DYRK4: variants seen among roughly 807,000 people sequenced by gnomAD.
The protein encoded by DYRK4 is dual specificity tyrosine-phosphorylation-regulated kinase 4.
DYRK4 carries 64 observed loss-of-function variants against 68.3 expected under a neutral mutation model. The observed-to-expected ratio is 0.94, with a 90% CI of 0.77 to 1.15. DYRK4 has a LOEUF of 1.15. Among genes scored for constraint, DYRK4 ranks in the 50% most tolerant of loss-of-function variants. DYRK4 has a pLI of 0.00. For missense variants in DYRK4, 740 were observed against 764.7 expected (o/e 0.97, Z 0.38); for synonymous variants, 274 against 289.9 (o/e 0.95, Z 0.56).
chr12:4,613,018 C>A lies in DYRK4; in HGVS notation c.1666+300C>A. On this transcript the variant is annotated intron_variant, in intron 14 of 14. Transcript: ENST00000543431. The surrounding 1 kb of genome is among the most constrained non-coding windows in gnomAD (Gnocchi z 4.0). ...GCATTAGCCTGGATCTTTTTTGCCC[C>A]TTATTAGGATTTTCCATTTTTCTCC... 2.9e-6 allele frequency: 1 copy of A among 344,560 alleles called. No individual in the cohort carries two copies. The highest frequency in any genetic ancestry group is 5.4e-6 in the Non-Finnish European group (1 of 186,742). The allele number at this position is 344,560 out of a possible 1,614,324, so 21.3% of individuals were successfully genotyped here.
At position 4,612,523 on chromosome 12, in the gene DYRK4, G is replaced by C. The variant is rs754775804; in HGVS notation, c.1491-20G>C. ...AAGGAAATAAAACAATAACCCATGT[G>C]GGGCTTTGTTGGGGTGCAGATGGGA... On this transcript the variant is annotated intron_variant, in intron 13 of 14. Coordinates refer to ENST00000543431, the MANE Select transcript of DYRK4 (RefSeq NM_001394779.1). The C allele has an allele frequency of 1.9e-6, 3 of 1,606,362 alleles. No individual in the cohort carries two copies. In the South Asian group the frequency reaches 3.3e-5, roughly 18 times the overall value.
Position 4,591,989 on chromosome 12 carries a change from C to T in DYRK4, c.463+691C>T, listed in dbSNP as rs1944961279. 6.6e-6 allele frequency among the ~76,000 whole-genome samples: 1 copy of T among 152,224 alleles called. No homozygotes were observed. The highest frequency in any genetic ancestry group is 2.1e-4 in the South Asian group (1 of 4,836). ...AGACTTTTAATGGGATTCAGAGACT[C>T]ATAACCTATTAGGATGCAAAGGAAG... On this transcript the variant is annotated intron_variant, in intron 5 of 14. Transcript: ENST00000543431. This position sits in a 1 kb window ranked among gnomAD's most constrained non-coding sequence, Gnocchi z 4.1.
chr12:4,583,103 G>A (rs1944860378), intron 2 of DYRK4, among the ~76,000 whole-genome samples: 1 of 152,160 alleles, frequency 6.6e-6, no homozygotes, highest in South Asian at 2.1e-4. Context: ...GCCACTCACA[G>A]TAAGAAATCG....
At chr12:4,583,533 T>C (rs1944864727) in intron 2 of DYRK4, among the ~76,000 whole-genome samples, 2 of 151,792 alleles carry the variant, frequency 1.3e-5, no homozygotes, top group South Asian at 2.1e-4. Flanking sequence ...TTGCTGAGAC[T>C]ACAGGCGCCT....
intron 6 of DYRK4, 123 bp downstream of exon 6, chr12:4,593,288 A>G (rs1944978593): frequency 8.7e-7 from 1 of 1,143,576 alleles, no homozygotes; most frequent in Non-Finnish European, 1.2e-6. Flanking sequence ...AGATATCCTG[A>G]AGTATTCTGG....
chr12:4,562,570 G>A (rs181059389), intron 1 of DYRK4, among the ~76,000 whole-genome samples: 166 of 152,318 alleles, frequency 1.1e-3, no homozygotes, highest in Non-Finnish European at 2.0e-3. Flanking sequence ...GGGAGCGAGG[G>A]GTTCTGAGGA....
intron 9 of DYRK4, 48 bp downstream of exon 9, chr12:4,599,214 T>C: frequency 4.4e-6 from 7 of 1,593,090 alleles, no homozygotes; most frequent in Non-Finnish European, 6.0e-6. Flanking sequence ...GAAATACCCA[T>C]TCTATTCCCC....
chr12:4,610,221 A>T lies in DYRK4; in HGVS notation c.1427A>T (p.Asp476Val). The T allele has an allele frequency of 6.2e-7, 1 of 1,600,886 alleles. No homozygotes were observed. The highest frequency in any genetic ancestry group is 8.5e-7 in the Non-Finnish European group (1 of 1,174,796). Reference sequence around the variant, plus strand: ...AAAAAAAGATACCCAGATTCCAAGGACCTCACGATGGTGCTGAAAACCTAT... The same window carrying T: ...AAAAAAAGATACCCAGATTCCAAGGTCCTCACGATGGTGCTGAAAACCTAT... ...RGKKRYPDSK[D>V]LTMVLKTYDT... is the part of the protein sequence containing the mutation. Residue 476 changes from aspartate (D) to valine (V), a missense_variant, in exon 13 of 15, where the codon GAC (aspartate) becomes GTC (valine). By Grantham distance (152) the Asp-to-Val change is radical. Transcript: ENST00000543431.
At chr12:4,602,520 G>T in intron 10 of DYRK4, 1 of 1,200,878 alleles carries the variant, frequency 8.3e-7, no homozygotes, top group Non-Finnish European at 1.2e-6. Flanking sequence ...TTGAGTGGTG[G>T]GATATAAGCC....
At chr12:4,571,772 C>G (rs1447950595) in intron 2 of DYRK4, among the ~76,000 whole-genome samples, 1 of 152,146 alleles carries the variant, frequency 6.6e-6, no homozygotes, top group African/African-American at 2.4e-5. Context: ...CTTTTTACCT[C>G]TTTAATGTGG....
intron 13 of DYRK4, among the ~76,000 whole-genome samples, chr12:4,612,254 T>G (rs1192645195): frequency 3.3e-5 from 5 of 152,198 alleles, no homozygotes; most frequent in African/African-American, 1.2e-4. Context: ...ATCCTATTGA[T>G]TAAGCTTTTG....
In DYRK4 at chr12:4,589,047, T is replaced by C. The variant is rs749892384; in HGVS notation, c.213+30T>C. 2.0e-6 allele frequency: 3 copies of C among 1,527,450 alleles called. No homozygotes were observed. In the South Asian group the frequency reaches 3.6e-5, roughly 18 times the overall value. 94.6% of individuals were successfully genotyped at this position (1,527,450 alleles called of 1,614,324 possible). On this transcript the variant is annotated intron_variant, in intron 3 of 14. Transcript: ENST00000543431. ...GGAGTGATGGTCAGCTCCTTTTCTCTAGGAGAGAATGAGGAGAGGTGGGTG... is the reference window on the plus strand; with the variant it reads ...GGAGTGATGGTCAGCTCCTTTTCTCCAGGAGAGAATGAGGAGAGGTGGGTG...
At chr12:4,611,040 A>G (rs1305349820) in intron 13 of DYRK4, among the ~76,000 whole-genome samples, 1 of 152,212 alleles carries the variant, frequency 6.6e-6, no homozygotes, top group Non-Finnish European at 1.5e-5. Flanking sequence ...TTCCTATAAA[A>G]TACGGTATTC....
At chr12:4,582,701 G>C (rs542934381) in intron 2 of DYRK4, among the ~76,000 whole-genome samples, 4 of 152,142 alleles carry the variant, frequency 2.6e-5, no homozygotes, top group Non-Finnish European at 5.9e-5. Context: ...ATGACATGGC[G>C]GTGGGGTGGG....
chr12:4,613,499 C>A lies in DYRK4; in HGVS notation c.1667-16C>A. On this transcript the variant is annotated splice_polypyrimidine_tract_variant and intron_variant, in intron 14 of 14. Coordinates refer to ENST00000543431, the MANE Select transcript of DYRK4 (RefSeq NM_001394779.1). This position sits in a 1 kb window ranked among gnomAD's most constrained non-coding sequence, Gnocchi z 4.0. ...TTTGAATCTTGTTCCCTTCTGTCTT[C>A]TCTCTCCTTTAGCAGATGAGATCAC... 1 of 1,599,846 alleles carries A rather than the reference C, an allele frequency of 6.3e-7. No individual in the cohort carries two copies. The highest frequency in any genetic ancestry group is 8.6e-7 in the Non-Finnish European group (1 of 1,169,004).
chr12:4,596,838 A>C, intron 8 of DYRK4, 109 bp downstream of exon 8: 1 of 1,562,588 alleles, frequency 6.4e-7, no homozygotes, highest in Non-Finnish European at 8.6e-7. Flanking sequence ...TAGTAACTAG[A>C]ATGGACATGA....
intron 1 of DYRK4, among the ~76,000 whole-genome samples, chr12:4,566,945 A>G (rs559220195): frequency 5.6e-4 from 85 of 152,350 alleles, no homozygotes; most frequent in African/African-American, 1.8e-3. Flanking sequence ...TGTTAAATAA[A>G]TATAGAATTA....
rs116622472 is a variant in DYRK4 at position 4,610,508 on chromosome 12, C to T, written c.1490+224C>T. ...GGCAGATGATTTGCTCTGTTTTGCA[C>T]GTATGGAGGTTGGGGTTCAAAGAGA... On this transcript the variant is annotated intron_variant, in intron 13 of 14. Coordinates refer to ENST00000543431, the MANE Select transcript of DYRK4 (RefSeq NM_001394779.1). The T allele has an allele frequency of 1.9e-3, 718 of 387,060 alleles. 8 individuals are homozygous for T. Among genetic ancestry groups the T allele is most frequent in the African/African-American group, 0.014 (680 of 47,774 alleles). 24.0% of individuals were successfully genotyped at this position (387,060 alleles called of 1,614,324 possible). A position where few individuals can be genotyped will look rare whatever the true frequency, so the allele number is the denominator to read the frequency against.
At chr12:4,585,683 T>G (rs887767130) in intron 2 of DYRK4, among the ~76,000 whole-genome samples, 1 of 152,126 alleles carries the variant, frequency 6.6e-6, no homozygotes, top group Non-Finnish European at 1.5e-5. Flanking sequence ...ATGTAAATGA[T>G]GAGTTAATGG....
Sources: allele counts gnomAD v4.1 joint callset (sites outside exome capture counted in the v4.1 genomes callset), GRCh38; gene constraint gnomAD v4.1.1; non-coding constraint Gnocchi (gnomAD v3.1); transcripts MANE v1.5; gene names NCBI Gene and HGNC (gene_info 2026-07-23, HGNC 2026-07-21).